TULP4: variants seen among roughly 807,000 people sequenced by gnomAD.
TULP4 encodes the protein TUB like protein 4, also known as tubby-related protein 4.
TULP4 carries 16 observed loss-of-function variants against 129.0 expected under a neutral mutation model. The observed-to-expected ratio is 0.12, with a 90% confidence interval of 0.08 to 0.19. The LOEUF (loss-of-function observed/expected upper bound fraction) is 0.19, where lower values mean the gene tolerates loss of function less well. TULP4 is among the 10% of genes least tolerant of loss of function. TULP4 has a pLI of 1.00. For synonymous variants in TULP4, 998 were observed against 854.0 expected, an observed-to-expected ratio of 1.17 and a Z score of -2.94; for missense variants, 1,842 against 2,059.1, an observed-to-expected ratio of 0.89 and a Z score of 2.04.
At chr6:158,279,295 CTTAAA>C (rs947495191), upstream of TULP4, among the ~76,000 whole-genome samples, 5 of 152,124 alleles carry the variant, frequency 3.3e-5, no homozygotes, top group Admixed American at 2.0e-4. Context: ...GAATTCAGAA[CTTAAA>C]TTATATATGC....
At chr6:158,440,575 C>A (rs1778869344) in intron 3 of TULP4, among the ~76,000 whole-genome samples, 1 of 152,098 alleles carries the variant, frequency 6.6e-6, no homozygotes, top group Non-Finnish European at 1.5e-5. Flanking sequence ...GTGTGAATAC[C>A]ACACAAGGGA....
chr6:158,388,651 T>TG (rs1295536227), intron 1 of TULP4, among the ~76,000 whole-genome samples: 1 of 71,288 alleles, frequency 1.4e-5, no homozygotes, highest in Non-Finnish European at 3.2e-5. Flanking sequence ...CATTTTCTAA[T>TG]GGAAAAAAAA....
At chr6:158,248,027 TG>T (rs1020692042) in intron 1 of TULP4, among the ~76,000 whole-genome samples, 2 of 152,240 alleles carry the variant, frequency 1.3e-5, no homozygotes, top group African/African-American at 4.8e-5. Flanking sequence ...AGGCTTCTGC[TG>T]TGCGCACAAA....
At chr6:158,335,751 TG>T (rs1164376636) in intron 1 of TULP4, among the ~76,000 whole-genome samples, 2 of 152,268 alleles carry the variant, frequency 1.3e-5, no homozygotes, top group Non-Finnish European at 2.9e-5. Flanking sequence ...TGTCAGTTCA[TG>T]TGCATCTTCC....
At chr6:158,233,557 G>A (rs2128439641) in intron 1 of TULP4, among the ~76,000 whole-genome samples, 1 of 152,304 alleles carries the variant, frequency 6.6e-6, no homozygotes, top group Middle Eastern at 3.4e-3. Context: ...CCCGGGCTCC[G>A]CAGCGCCAGA....
At chr6:158,241,080 G>A (rs1305064887) in intron 1 of TULP4, among the ~76,000 whole-genome samples, 11 of 139,454 alleles carry the variant, frequency 7.9e-5, no homozygotes, top group Admixed American at 1.5e-4. Context: ...GGTCTCGGCC[G>A]GGCAGAGGCG....
chr6:158,470,260 G>A (rs567149311), intron 6 of TULP4, among the ~76,000 whole-genome samples: 1 of 152,332 alleles, frequency 6.6e-6, no homozygotes, highest in Non-Finnish European at 1.5e-5. Flanking sequence ...AAACAGCAGT[G>A]GTGGACAGCG....
At chr6:158,238,379 G>T in intron 1 of TULP4, 1 of 675,900 alleles carries the variant, frequency 1.5e-6, no homozygotes, top group South Asian at 1.9e-5. Flanking sequence ...TGTTCGGCCT[G>T]GTTTGTGTAC....
At chr6:158,382,463 C>G (rs967152103) in intron 1 of TULP4, among the ~76,000 whole-genome samples, 1 of 152,180 alleles carries the variant, frequency 6.6e-6, no homozygotes, top group South Asian at 2.1e-4. Flanking sequence ...TGAGCTGTGT[C>G]CTCTTTGCTT....
chr6:158,353,993 A>C (rs1583787244), intron 1 of TULP4, among the ~76,000 whole-genome samples: 1 of 152,350 alleles, frequency 6.6e-6, no homozygotes, highest in East Asian at 1.9e-4. Context: ...CATCGGCCCC[A>C]GAGTCTTCGG....
chr6:158,344,586 T>C (rs1049727417), intron 1 of TULP4, among the ~76,000 whole-genome samples: 2 of 152,190 alleles, frequency 1.3e-5, no homozygotes, highest in African/African-American at 4.8e-5. Context: ...TGTTTCAGGG[T>C]GACACAAACT....
chr6:158,321,292 T>C lies in TULP4; in HGVS notation c.252+7024T>C, dbSNP rs543828795. Among the ~76,000 whole-genome samples, 12 of 152,318 alleles carry C rather than the reference T, an allele frequency of 7.9e-5. No individual in the cohort carries two copies. In the South Asian group the frequency reaches 2.5e-3, roughly 32 times the overall value. ...GCCTCTGCTTTCCGCCTTTCTTTGCTGGCTCTGCCTTTTTTTTGCCTCATC... is the reference window on the plus strand; with the variant it reads ...GCCTCTGCTTTCCGCCTTTCTTTGCCGGCTCTGCCTTTTTTTTGCCTCATC... On this transcript the variant is annotated intron_variant, in intron 1 of 13. Transcript: ENST00000367097.
intron 1 of TULP4, chr6:158,238,367 A>C: frequency 1.4e-6 from 1 of 714,086 alleles, no homozygotes; most frequent in Non-Finnish European, 2.5e-6. Context: ...ATTTTGAGGC[A>C]TTGTTCGGCC....
At chr6:158,299,282 G>A (rs569444740) in intron 1 of TULP4, among the ~76,000 whole-genome samples, 2 of 152,172 alleles carry the variant, frequency 1.3e-5, no homozygotes, top group Non-Finnish European at 2.9e-5. Context: ...TGCCAGAGGA[G>A]CAATCGTTTT....
chr6:158,313,751 A>G lies in TULP4; in HGVS notation c.-266A>G. 1.9e-6 allele frequency: 1 copy of G among 513,374 alleles called. No homozygotes were observed. The highest frequency in any genetic ancestry group is 3.4e-6 in the Non-Finnish European group (1 of 294,344). 31.8% of individuals were successfully genotyped at this position (513,374 alleles called of 1,614,324 possible). On this transcript the variant is annotated 5_prime_UTR_variant, in exon 1 of 14. Transcript: ENST00000367097. Reference sequence around the variant, plus strand: ...AGCACGTTCTTCCTCTGAGAACTTGAAAATACAAATGGACCCCATGTTTTT... The same window carrying G: ...AGCACGTTCTTCCTCTGAGAACTTGGAAATACAAATGGACCCCATGTTTTT...
At chr6:158,256,684 G>A (rs2128455334) in intron 1 of TULP4, among the ~76,000 whole-genome samples, 1 of 152,326 alleles carries the variant, frequency 6.6e-6, no homozygotes, top group African/African-American at 2.4e-5. Flanking sequence ...GTGTAATCAG[G>A]CAGGGAACCT....
At chr6:158,321,897 T>C (rs1779645887) in intron 1 of TULP4, among the ~76,000 whole-genome samples, 1 of 152,244 alleles carries the variant, frequency 6.6e-6, no homozygotes. Flanking sequence ...TGACACATCT[T>C]AATTCCAAAA....
Position 158,345,734 on chromosome 6 carries a change from G to A in TULP4, c.252+31466G>A, listed in dbSNP as rs527843604. Among the ~76,000 whole-genome samples the A allele has an allele frequency of 2.6e-4, 40 of 152,310 alleles. 1 individual carries two copies. In the South Asian group the frequency reaches 6.0e-3, roughly 23 times the overall value. ...TAAGAATGTATTTTCAGCGGTGCAC[G>A]TATTGTCTTGATAAACATCTTAACA... On this transcript the variant is annotated intron_variant, in intron 1 of 13. Coordinates refer to ENST00000367097, the MANE Select transcript of TULP4 (RefSeq NM_020245.5).
At chr6:158,446,463 T>TA (rs1159758818) in intron 3 of TULP4, among the ~76,000 whole-genome samples, 1 of 152,202 alleles carries the variant, frequency 6.6e-6, no homozygotes, top group Non-Finnish European at 1.5e-5. Context: ...ATTCAGGAAT[T>TA]ATATGTATGT....
Sources: gnomAD v4.1 joint callset for allele counts (sites outside exome capture counted in the v4.1 genomes callset) on GRCh38, gnomAD v4.1.1 for gene constraint, MANE v1.5 for transcripts, NCBI Gene and HGNC (gene_info 2026-07-23, HGNC 2026-07-21) for gene names.